The following NBAS variants were observed in gnomAD, a reference collection of about 807,000 sequenced individuals.
NBAS encodes NBAS subunit of NRZ tethering complex, also known as NAG/BC035112 fusion.
Under a neutral mutation model 302.5 loss-of-function variants are expected in NBAS, and 219 were observed. The observed-to-expected ratio is 0.72, with a 90% CI of 0.65 to 0.81. The LOEUF (loss-of-function observed/expected upper bound fraction) is 0.81. Ranked by LOEUF, NBAS falls within the 30% of genes least tolerant of loss-of-function variation. The pLI is 0.00. For missense variants in NBAS, 2,932 were observed against 2,841.6 expected (o/e 1.03, Z -0.72); for synonymous variants, 1,118 against 1,021.6 (o/e 1.09, Z -1.80).
chr2:14,950,679 G>A, the NBAS span, among the ~76,000 whole-genome samples: 2 of 152,290 alleles, frequency 1.3e-5, no homozygotes, highest in East Asian at 3.9e-4. Context: ...GTAAGTAGAA[G>A]TAGGTGCTAT....
chr2:15,063,703 G>T, the NBAS span, among the ~76,000 whole-genome samples: 1 of 152,176 alleles, frequency 6.6e-6, no homozygotes, highest in African/African-American at 2.4e-5. Flanking sequence ...GAGGCATCGA[G>T]AATGTGCACA....
intron 44 of NBAS, among the ~76,000 whole-genome samples, chr2:15,256,629 A>G (rs527930254): frequency 2.0e-3 from 302 of 152,244 alleles, no homozygotes; most frequent in Non-Finnish European, 3.1e-3. Context: ...TCCTTGTCTT[A>G]TTCCAGTTCT....
intron 38 of NBAS, among the ~76,000 whole-genome samples, chr2:15,326,195 T>C (rs1407061646): frequency 6.6e-6 from 1 of 152,178 alleles, no homozygotes; most frequent in Non-Finnish European, 1.5e-5. Context: ...ATTATCAAAA[T>C]GTGACACAGA....
At chr2:15,499,348 T>C (rs1297047771) in intron 11 of NBAS, among the ~76,000 whole-genome samples, 1 of 152,166 alleles carries the variant, frequency 6.6e-6, no homozygotes, top group Admixed American at 6.5e-5. Context: ...AGCAAAGACA[T>C]GGAATAAACC....
intron 21 of NBAS, among the ~76,000 whole-genome samples, chr2:15,437,197 A>ATC (rs1678066758): frequency 6.6e-6 from 1 of 152,094 alleles, no homozygotes; most frequent in Non-Finnish European, 1.5e-5. Flanking sequence ...AGAGATGTGG[A>ATC]ATTTAGCTGG....
chr2:15,296,663 T>C (rs1231263129), intron 40 of NBAS, among the ~76,000 whole-genome samples: 2 of 152,054 alleles, frequency 1.3e-5, no homozygotes, highest in Admixed American at 1.3e-4. Flanking sequence ...AGACCCTGTC[T>C]CCACAAAAAA....
chr2:15,006,035 A>G, the NBAS span, among the ~76,000 whole-genome samples: 3 of 152,230 alleles, frequency 2.0e-5, no homozygotes, highest in Admixed American at 2.0e-4. Context: ...AAAAACACAA[A>G]TAACATCAAG....
At chr2:14,960,396 T>G in the NBAS span, among the ~76,000 whole-genome samples, 1 of 152,344 alleles carries the variant, frequency 6.6e-6, no homozygotes, top group Admixed American at 6.5e-5. Flanking sequence ...CCAGAAATGT[T>G]CATTGGATGA....
chr2:15,136,285 A>G, the NBAS span, among the ~76,000 whole-genome samples: 1 of 152,180 alleles, frequency 6.6e-6, no homozygotes, highest in Non-Finnish European at 1.5e-5. Context: ...CCCACAGACC[A>G]TAACTCCCAA....
the NBAS span, among the ~76,000 whole-genome samples, chr2:14,897,495 G>A: frequency 4.6e-5 from 7 of 152,148 alleles, no homozygotes; most frequent in East Asian, 1.9e-4. Flanking sequence ...CCCCAAGGAC[G>A]TTATAATGAA....
the NBAS span, among the ~76,000 whole-genome samples, chr2:14,931,158 G>A: frequency 1.4e-4 from 22 of 152,228 alleles, no homozygotes; most frequent in Admixed American, 3.3e-4. Context: ...TAAACCCCAG[G>A]AAACAAGGGA....
the NBAS span, among the ~76,000 whole-genome samples, chr2:14,830,243 A>G: frequency 1.3e-5 from 2 of 152,190 alleles, no homozygotes; most frequent in Admixed American, 1.3e-4. Flanking sequence ...TCTGGAATTT[A>G]GGCTCTTCCT....
the NBAS span, among the ~76,000 whole-genome samples, chr2:14,859,385 C>A: frequency 6.6e-6 from 1 of 151,800 alleles, no homozygotes; most frequent in Non-Finnish European, 1.5e-5. Flanking sequence ...ATAGCCAAAG[C>A]CAATCCTGAG....
the NBAS span, among the ~76,000 whole-genome samples, chr2:14,869,731 C>T: frequency 1.3e-5 from 2 of 152,148 alleles, no homozygotes; most frequent in Non-Finnish European, 2.9e-5. Context: ...CCTCTTGGGC[C>T]ATGACTGCTG....
intron 44 of NBAS, among the ~76,000 whole-genome samples, chr2:15,254,649 G>A (rs1025830023): frequency 1.3e-5 from 2 of 152,260 alleles, no homozygotes; most frequent in East Asian, 1.9e-4. Flanking sequence ...CATCACTGGA[G>A]CAGTGTATAC....
chr2:14,966,033 C>T, the NBAS span, among the ~76,000 whole-genome samples: 2 of 152,106 alleles, frequency 1.3e-5, no homozygotes, highest in African/African-American at 4.8e-5. Flanking sequence ...AGAAGGACAG[C>T]AAGTGGCAAC....
At chr2:15,105,871 G>A in the NBAS span, among the ~76,000 whole-genome samples, 192 of 152,222 alleles carry the variant, frequency 1.3e-3, 1 homozygote, top group Middle Eastern at 0.014. Context: ...AGGCACGCAC[G>A]CAGAGGAGCT....
chr2:15,091,922 G>A, the NBAS span, among the ~76,000 whole-genome samples: 3 of 152,170 alleles, frequency 2.0e-5, no homozygotes, highest in South Asian at 2.1e-4. Context: ...TACAACATAC[G>A]TGTTAAAAGA....
chr2:15,177,090 A>G (rs1664576825), intron 51 of NBAS, among the ~76,000 whole-genome samples: 1 of 152,178 alleles, frequency 6.6e-6, no homozygotes, highest in Non-Finnish European at 1.5e-5. Flanking sequence ...TCTGAATGGT[A>G]GGCAAGTGAC....
Sources: gnomAD v4.1 joint callset for allele counts (sites outside exome capture counted in the v4.1 genomes callset) on GRCh38, gnomAD v4.1.1 for gene constraint, MANE v1.5 for transcripts, NCBI Gene and HGNC (gene_info 2026-07-23, HGNC 2026-07-21) for gene names.